The following FER variants were observed in gnomAD, a reference collection of about 807,000 sequenced individuals.
FER encodes the protein FER tyrosine kinase, also known as tyrosine-protein kinase Fer.
Under a neutral mutation model 111.0 loss-of-function variants are expected in FER, and 63 were observed. The observed-to-expected ratio is 0.57, with a 90% CI of 0.46 to 0.70. The LOEUF (loss-of-function observed/expected upper bound fraction) is 0.70. Ranked by LOEUF, FER falls within the 30% of genes least tolerant of loss-of-function variation. FER has a pLI of 0.00. For missense variants in FER, 914 were observed against 954.0 expected, an observed-to-expected ratio of 0.96 and a Z score of 0.55; for synonymous variants, 327 against 313.9, an observed-to-expected ratio of 1.04 and a Z score of -0.44.
At chr5:109,066,740 A>G (rs1170630986) in intron 16 of FER, among the ~76,000 whole-genome samples, 2 of 152,224 alleles carry the variant, frequency 1.3e-5, no homozygotes, top group African/African-American at 2.4e-5. Context: ...TAATTACACT[A>G]TTTGTTAAAT....
chr5:109,149,851 G>A (rs1394916802), intron 17 of FER, among the ~76,000 whole-genome samples: 2 of 152,136 alleles, frequency 1.3e-5, no homozygotes, highest in Non-Finnish European at 2.9e-5. Context: ...AAACCAGTAC[G>A]GGTTCCTCGC....
At chr5:108,922,436 C>A (rs915114904) in intron 10 of FER, among the ~76,000 whole-genome samples, 6 of 152,152 alleles carry the variant, frequency 3.9e-5, no homozygotes, top group African/African-American at 1.4e-4. Context: ...CAAAGAAACA[C>A]CAAAATTAGC....
intron 13 of FER, among the ~76,000 whole-genome samples, chr5:109,000,070 T>A (rs1283242913): frequency 1.3e-5 from 2 of 151,930 alleles, no homozygotes; most frequent in African/African-American, 4.8e-5. Context: ...CATTGCTATG[T>A]GTTGGACGCT....
chr5:109,120,386 CTG>C (rs923577932), intron 17 of FER, among the ~76,000 whole-genome samples: 2 of 151,700 alleles, frequency 1.3e-5, no homozygotes, highest in Non-Finnish European at 3.0e-5. Flanking sequence ...TATGCTCTCT[CTG>C]TCAAAAGTGT....
At chr5:109,158,020 G>A (rs1290507301) in intron 17 of FER, among the ~76,000 whole-genome samples, 1 of 151,962 alleles carries the variant, frequency 6.6e-6, no homozygotes, top group Non-Finnish European at 1.5e-5. Context: ...ATAGGATTTA[G>A]CTAGATGAAG....
At chr5:108,839,877 A>G (rs550599113) in intron 5 of FER, among the ~76,000 whole-genome samples, 3 of 152,062 alleles carry the variant, frequency 2.0e-5, no homozygotes, top group Non-Finnish European at 2.9e-5. Context: ...GCGTCCGGCC[A>G]TCCCATGCCA....
rs144810495 is a variant in FER at position 108,838,410 on chromosome 5, G to C, written c.481+2603G>C. 2.0e-3 allele frequency among the ~76,000 whole-genome samples: 308 copies of C among 152,302 alleles called. 1 individual carries two copies. Among genetic ancestry groups the C allele is most frequent in the African/African-American group, 6.7e-3 (280 of 41,576 alleles). On this transcript the variant is annotated intron_variant, in intron 5 of 19. Transcript: ENST00000281092. ...ATTTACAATCCCAATCTAACATAGA[G>C]CATCCAATTAGAGAAGACAGGCCTT...
At chr5:108,854,707 A>T (rs1762832782) in intron 5 of FER, among the ~76,000 whole-genome samples, 1 of 152,022 alleles carries the variant, frequency 6.6e-6, no homozygotes, top group Non-Finnish European at 1.5e-5. Context: ...AGGCCGAGGC[A>T]GATGGATCAC....
intron 13 of FER, among the ~76,000 whole-genome samples, chr5:108,971,104 A>G (rs1760592709): frequency 6.6e-6 from 1 of 151,922 alleles, no homozygotes; most frequent in African/African-American, 2.4e-5. Flanking sequence ...ACAGAAAAAA[A>G]TCAATGTTCA....
At chr5:108,976,938 G>A (rs532843732) in intron 13 of FER, among the ~76,000 whole-genome samples, 2 of 152,084 alleles carry the variant, frequency 1.3e-5, no homozygotes, top group Non-Finnish European at 2.9e-5. Flanking sequence ...CACTTTATGT[G>A]GGTCCCATGG....
chr5:108,890,561 G>C (rs1747873100), intron 9 of FER, among the ~76,000 whole-genome samples: 1 of 151,998 alleles, frequency 6.6e-6, no homozygotes, highest in Admixed American at 6.6e-5. Context: ...CCCTCTGCCT[G>C]TGTGTCTCTT....
rs536791751 is a variant in FER, at chr5:108,946,826, GT to G, written c.1329+612del. On this transcript the variant is annotated intron_variant, in intron 11 of 19. Transcript: ENST00000281092. ...TTAGTTCTATTTACTTGGAGAAGGAGTTTTTTTTCCCCCTCAAACACACAGG... is the reference window on the plus strand; with the variant it reads ...TTAGTTCTATTTACTTGGAGAAGGAGTTTTTTTCCCCCTCAAACACACAGG... Among the ~76,000 whole-genome samples, 1,162 of 151,728 alleles carry G rather than the reference GT, an allele frequency of 7.7e-3. 11 individuals carry two copies. The highest frequency in any genetic ancestry group is 0.027 in the African/African-American group (1,130 of 41,412).
chr5:109,178,251 C>T (rs1757917813), intron 17 of FER, among the ~76,000 whole-genome samples: 1 of 152,198 alleles, frequency 6.6e-6, no homozygotes, highest in Admixed American at 6.5e-5. Context: ...CTCACTTGAA[C>T]TTAATGCAGC....
intron 10 of FER, among the ~76,000 whole-genome samples, chr5:108,925,707 A>G (rs560411838): frequency 6.6e-6 from 1 of 152,184 alleles, no homozygotes; most frequent in South Asian, 2.1e-4. Context: ...AAATACATAC[A>G]CGATTCTTGC....
chr5:108,960,756 T>G (rs1484336483), intron 13 of FER, among the ~76,000 whole-genome samples: 4 of 152,220 alleles, frequency 2.6e-5, no homozygotes, highest in South Asian at 2.1e-4. Context: ...CACCTCAAAC[T>G]GTGCTTATCA....
intron 17 of FER, among the ~76,000 whole-genome samples, chr5:109,170,999 A>G (rs529489613): frequency 1.3e-5 from 2 of 152,296 alleles, no homozygotes; most frequent in East Asian, 3.9e-4. Flanking sequence ...AAATTATTGC[A>G]AGTGTTCCAA....
intron 16 of FER, among the ~76,000 whole-genome samples, chr5:109,064,531 A>G (rs980944468): frequency 4.6e-5 from 7 of 152,152 alleles, no homozygotes; most frequent in Admixed American, 6.5e-5. Flanking sequence ...ATTTTTTTCT[A>G]TTAATGAGGA....
chr5:108,762,828 G>A (rs375289975), intron 1 of FER, among the ~76,000 whole-genome samples: 1 of 152,046 alleles, frequency 6.6e-6, no homozygotes, highest in African/African-American at 2.4e-5. Context: ...TCCAGATAGC[G>A]GTTCCTTTAG....
chr5:108,886,074 A>G (rs10050490), intron 9 of FER, among the ~76,000 whole-genome samples: 33,863 of 151,760 alleles, frequency 0.22, 3,964 homozygotes, highest in African/African-American at 0.27. Context: ...TTTAAAATTT[A>G]GTGGATATAA....
Sources: gnomAD v4.1 joint callset for allele counts (sites outside exome capture counted in the v4.1 genomes callset) on GRCh38, gnomAD v4.1.1 for gene constraint, MANE v1.5 for transcripts, NCBI Gene and HGNC (gene_info 2026-07-23, HGNC 2026-07-21) for gene names.